CELF2: variants seen among roughly 807,000 people sequenced by gnomAD.
CELF2 encodes the protein CUGBP Elav-like family member 2, also known as CUG triplet repeat RNA-binding protein 2.
A neutral mutation model predicts 62.6 loss-of-function variants in CELF2; 8 were observed. The ratio of observed to expected loss-of-function variants is 0.13; its 90% confidence interval spans 0.07 to 0.23. The LOEUF (loss-of-function observed/expected upper bound fraction) is 0.23, where lower values mean the gene tolerates loss of function less well. Ranked by LOEUF, CELF2 falls within the 10% of genes least tolerant of loss-of-function variation. CELF2 has a pLI of 1.00. For synonymous variants in CELF2, 258 were observed against 250.0 expected (o/e 1.03, Z -0.30); for missense variants, 333 against 671.0 (o/e 0.50, Z 5.56).
Position 11,008,821 on chromosome 10 carries a change from T to G in CELF2, c.53+3381T>G, listed in dbSNP as rs1277364583. Among the ~76,000 whole-genome samples, 1 of 152,202 alleles carries G rather than the reference T, an allele frequency of 6.6e-6. No individual in the cohort carries two copies. The highest frequency in any genetic ancestry group is 1.9e-4 in the East Asian group (1 of 5,200). On this transcript the variant is annotated intron_variant, in intron 1 of 12. Transcript: ENST00000416382. This position sits in a 1 kb window ranked among gnomAD's most constrained non-coding sequence, Gnocchi z 4.5. ...ACTTAGATTTCTTTGTATGGAGATT[T>G]CTGTAACAGTCATTAACAGAATGCA...
the CELF2 span, among the ~76,000 whole-genome samples, chr10:10,702,695 C>T: frequency 3.3e-5 from 5 of 152,294 alleles, no homozygotes; most frequent in East Asian, 9.7e-4. Flanking sequence ...AGTGATTCTC[C>T]TGCCTCAGCC....
chr10:11,050,964 A>G (rs553309682), intron 1 of CELF2, among the ~76,000 whole-genome samples: 105 of 152,328 alleles, frequency 6.9e-4, no homozygotes, highest in African/African-American at 2.4e-3. Context: ...CTGTGAGGAA[A>G]GGAGTGATAA....
chr10:10,645,533 A>G, the CELF2 span, among the ~76,000 whole-genome samples: 894 of 152,306 alleles, frequency 5.9e-3, 3 homozygotes, highest in Non-Finnish European at 8.3e-3. Flanking sequence ...ACGCCCATGT[A>G]GTCCCAGCTA....
At chr10:10,673,431 C>T in the CELF2 span, among the ~76,000 whole-genome samples, 1 of 151,872 alleles carries the variant, frequency 6.6e-6, no homozygotes, top group African/African-American at 2.4e-5. Context: ...CTCTTTTTTC[C>T]TTGGTTGGAC....
intron 2 of CELF2, among the ~76,000 whole-genome samples, chr10:11,168,759 T>C (rs2067969964): frequency 6.6e-6 from 1 of 152,196 alleles, no homozygotes; most frequent in Admixed American, 6.5e-5. Context: ...CATTTCATCT[T>C]CTGTTTAGTC....
intron 2 of CELF2, among the ~76,000 whole-genome samples, chr10:10,975,306 C>T (rs201089): frequency 0.081 from 12,379 of 152,038 alleles, 1,708 homozygotes; most frequent in African/African-American, 0.28. Flanking sequence ...TTAGTAGACA[C>T]GGGGTCTCAT....
intron 1 of CELF2, among the ~76,000 whole-genome samples, chr10:10,822,125 G>A (rs2057013645): frequency 6.6e-6 from 1 of 152,138 alleles, no homozygotes; most frequent in South Asian, 2.1e-4. Flanking sequence ...TTGTGCTGTG[G>A]TTGCTTGTTC....
chr10:11,138,396 C>T (rs1033962421), intron 1 of CELF2, among the ~76,000 whole-genome samples: 4 of 152,226 alleles, frequency 2.6e-5, no homozygotes, highest in African/African-American at 7.2e-5. Flanking sequence ...TCCCAGCCTT[C>T]GGTTGCAGCA....
upstream of CELF2, chr10:10,798,622 T>A: frequency 2.5e-6 from 1 of 396,830 alleles, no homozygotes; most frequent in Non-Finnish European, 4.4e-6. Flanking sequence ...TGGAGAGAAG[T>A]CAGGAAAAGT....
the CELF2 span, among the ~76,000 whole-genome samples, chr10:10,570,740 A>G: frequency 1.1e-4 from 16 of 152,288 alleles, no homozygotes; most frequent in South Asian, 1.7e-3. Flanking sequence ...TACCTGGAAC[A>G]TTGATAACAA....
At chr10:11,034,508 T>C (rs1255388347) in intron 1 of CELF2, among the ~76,000 whole-genome samples, 3 of 152,184 alleles carry the variant, frequency 2.0e-5, no homozygotes, top group Non-Finnish European at 2.9e-5. Flanking sequence ...ATATTTCATG[T>C]GTTCCTTATT....
chr10:10,623,713 T>G, the CELF2 span, among the ~76,000 whole-genome samples: 2 of 152,158 alleles, frequency 1.3e-5, no homozygotes, highest in African/African-American at 4.8e-5. Flanking sequence ...ATGACCATGA[T>G]GAGGATGTTA....
the CELF2 span, among the ~76,000 whole-genome samples, chr10:10,778,112 A>G: frequency 6.6e-6 from 1 of 152,196 alleles, no homozygotes. Flanking sequence ...GTGTCGTGAC[A>G]ACAAAACTGT....
intron 1 of CELF2, among the ~76,000 whole-genome samples, chr10:11,066,344 C>T (rs2068163699): frequency 6.6e-6 from 1 of 152,072 alleles, no homozygotes; most frequent in African/African-American, 2.4e-5. Flanking sequence ...GGGTGTGCTG[C>T]CAATCACTGT....
chr10:11,108,348 G>GTT (rs138546101), intron 1 of CELF2, among the ~76,000 whole-genome samples: 17,288 of 149,252 alleles, frequency 0.12, 1,016 homozygotes, highest in Non-Finnish European at 0.13. Context: ...CTGGTTCACT[G>GTT]TTTTTTTGTT....
the CELF2 span, among the ~76,000 whole-genome samples, chr10:10,772,395 G>T: frequency 1.3e-5 from 2 of 152,206 alleles, no homozygotes; most frequent in African/African-American, 2.4e-5. Context: ...CAATTATTCA[G>T]TGTAAATGGA....
intron 2 of CELF2, among the ~76,000 whole-genome samples, chr10:10,976,904 T>G (rs1052544176): frequency 1.3e-5 from 2 of 152,176 alleles, no homozygotes; most frequent in Admixed American, 1.3e-4. Context: ...CATTTCCAGA[T>G]AACCCTTCTT....
intron 1 of CELF2, among the ~76,000 whole-genome samples, chr10:11,134,356 G>A (rs1485281319): frequency 6.6e-6 from 1 of 152,254 alleles, no homozygotes; most frequent in Non-Finnish European, 1.5e-5. Flanking sequence ...AAGTGGTGGA[G>A]TTGCTAAGGG....
In CELF2 at chr10:11,306,633, G is replaced by C. The variant is rs2094228605; in HGVS notation, c.977-7506G>C. On this transcript the variant is annotated intron_variant, in intron 9 of 12. Transcript: ENST00000633077. The surrounding 1 kb of genome is among the most constrained non-coding windows in gnomAD (Gnocchi z 4.4). ...CCCTCTTACAACTGAGATGCCAGTT[G>C]GGGTGAATTTTCAAAGTATTGTCTG... Among the ~76,000 whole-genome samples the C allele has an allele frequency of 6.6e-6, 1 of 152,188 alleles. No individual in the cohort carries two copies. The highest frequency in any genetic ancestry group is 6.5e-5 in the Admixed American group (1 of 15,278).
Sources: gnomAD v4.1 joint callset for allele counts (sites outside exome capture counted in the v4.1 genomes callset) on GRCh38, gnomAD v4.1.1 for gene constraint, Gnocchi (gnomAD v3.1) non-coding constraint, MANE v1.5 for transcripts, NCBI Gene and HGNC (gene_info 2026-07-23, HGNC 2026-07-21) for gene names.